LRRIQ3: variants seen among roughly 807,000 people sequenced by gnomAD.
LRRIQ3 encodes leucine-rich repeat and IQ domain-containing protein 3.
Under a neutral mutation model 59.3 loss-of-function variants are expected in LRRIQ3, and 75 were observed. That is an observed-to-expected ratio of 1.26 (90% CI 1.05 to 1.53). LRRIQ3 has a LOEUF of 1.53. Ranked by LOEUF, LRRIQ3 falls within the 40% of genes most tolerant of loss-of-function variation. LRRIQ3 has a pLI of 0.00. For missense variants in LRRIQ3, 831 were observed against 710.0 expected (o/e 1.17, Z -1.94); for synonymous variants, 250 against 231.3 (o/e 1.08, Z -0.73).
At chr1:74,160,841 C>A (rs1467311698) in intron 3 of LRRIQ3, among the ~76,000 whole-genome samples, 1 of 152,032 alleles carries the variant, frequency 6.6e-6, no homozygotes, top group East Asian at 1.9e-4. Flanking sequence ...TGGATCCTGT[C>A]ACTTGTTCTA....
At chr1:74,189,358 C>T (rs1000934948) in intron 1 of LRRIQ3, among the ~76,000 whole-genome samples, 4 of 152,062 alleles carry the variant, frequency 2.6e-5, no homozygotes, top group Non-Finnish European at 5.9e-5. Flanking sequence ...TTTTCAAGCA[C>T]CCTATAAACT....
At chr1:74,192,942 C>A (rs2100745660) in intron 1 of LRRIQ3, among the ~76,000 whole-genome samples, 1 of 152,168 alleles carries the variant, frequency 6.6e-6, no homozygotes, top group African/African-American at 2.4e-5. Context: ...TGTTGTACAT[C>A]TGAAAACTGG....
chr1:74,135,059 C>T (rs1570180044), intron 4 of LRRIQ3, among the ~76,000 whole-genome samples: 2 of 151,876 alleles, frequency 1.3e-5, no homozygotes, highest in Non-Finnish European at 2.9e-5. Flanking sequence ...TAAAATAATG[C>T]AAAAATACCA....
chr1:74,141,808 T>G (rs1387677400), intron 4 of LRRIQ3, among the ~76,000 whole-genome samples: 1 of 151,792 alleles, frequency 6.6e-6, no homozygotes, highest in Non-Finnish European at 1.5e-5. Flanking sequence ...CATGAAAAAT[T>G]TTCCTAGTCC....
chr1:74,040,865 C>T (rs1335062847), intron 7 of LRRIQ3, among the ~76,000 whole-genome samples: 2 of 152,164 alleles, frequency 1.3e-5, no homozygotes, highest in African/African-American at 4.8e-5. Flanking sequence ...GACACCCTAA[C>T]ATCAGAATTA....
chr1:74,101,487 G>A (rs1180689628), intron 5 of LRRIQ3, among the ~76,000 whole-genome samples: 1 of 152,128 alleles, frequency 6.6e-6, no homozygotes, highest in Admixed American at 6.5e-5. Context: ...CAAGCATTGT[G>A]GAAGACAGTG....
chr1:74,077,450 A>G (rs1295537490), intron 5 of LRRIQ3, among the ~76,000 whole-genome samples: 1 of 151,876 alleles, frequency 6.6e-6, no homozygotes, highest in Non-Finnish European at 1.5e-5. Flanking sequence ...GAAAAAAACA[A>G]GAACCCCCCC....
chr1:74,141,498 A>G (rs1647253949), intron 4 of LRRIQ3, among the ~76,000 whole-genome samples: 1 of 151,890 alleles, frequency 6.6e-6, no homozygotes. Flanking sequence ...ATGGACAGAT[A>G]TATTGTTTGA....
intron 4 of LRRIQ3, among the ~76,000 whole-genome samples, chr1:74,149,421 A>C (rs1647782462): frequency 6.6e-6 from 1 of 152,042 alleles, no homozygotes; most frequent in Non-Finnish European, 1.5e-5. Context: ...TCTTCACAGA[A>C]TTTTTTCATA....
In LRRIQ3 at chr1:74,198,111, A is replaced by G; in HGVS notation, c.-116T>C. On this transcript the variant is annotated 5_prime_UTR_variant, in exon 1 of 8. Coordinates refer to ENST00000354431, the MANE Select transcript of LRRIQ3 (RefSeq NM_001105659.2). ...CTGAGACCGTTGCTAGAGAAACAAGACAACATCCAAGTTCTCCACATCATG... is the reference window on the plus strand; with the variant it reads ...CTGAGACCGTTGCTAGAGAAACAAGGCAACATCCAAGTTCTCCACATCATG... 7.3e-7 allele frequency: 1 copy of G among 1,369,426 alleles called. No homozygotes were observed. The highest frequency in any genetic ancestry group is 9.6e-7 in the Non-Finnish European group (1 of 1,037,354). 84.8% of individuals were successfully genotyped at this position (1,369,426 alleles called of 1,614,324 possible). A position where few individuals can be genotyped will look rare whatever the true frequency, so the allele number is the denominator to read the frequency against.
chr1:74,117,969 A>G (rs1359671361), intron 4 of LRRIQ3, among the ~76,000 whole-genome samples: 1 of 152,132 alleles, frequency 6.6e-6, no homozygotes, highest in Non-Finnish European at 1.5e-5. Context: ...TAGAAACCAT[A>G]ATAATGTCCA....
intron 4 of LRRIQ3, among the ~76,000 whole-genome samples, chr1:74,121,535 T>C (rs1160420476): frequency 6.6e-6 from 1 of 152,140 alleles, no homozygotes; most frequent in African/African-American, 2.4e-5. Context: ...GTCATCTATA[T>C]AATTTTAATC....
intron 3 of LRRIQ3, among the ~76,000 whole-genome samples, chr1:74,177,132 G>T (rs7537841): frequency 1.3e-5 from 2 of 152,016 alleles, no homozygotes; most frequent in Non-Finnish European, 2.9e-5. Flanking sequence ...TGCACCCTTT[G>T]TCCCTTCTGT....
chr1:74,150,423 G>A (rs1647856526), intron 4 of LRRIQ3, among the ~76,000 whole-genome samples: 1 of 151,928 alleles, frequency 6.6e-6, no homozygotes, highest in Non-Finnish European at 1.5e-5. Flanking sequence ...ATTTACTAAA[G>A]CTTCAGGAAA....
chr1:74,185,503 T>G (rs559570769), intron 1 of LRRIQ3, among the ~76,000 whole-genome samples: 107 of 152,314 alleles, frequency 7.0e-4, no homozygotes, highest in African/African-American at 2.4e-3. Context: ...TGGTATTGTG[T>G]TATTGTTGAG....
At chr1:74,063,229 A>C (rs1654779299) in intron 6 of LRRIQ3, among the ~76,000 whole-genome samples, 1 of 151,838 alleles carries the variant, frequency 6.6e-6, no homozygotes, top group South Asian at 2.1e-4. Context: ...TATCATTTCT[A>C]ATGTAATCTC....
chr1:74,170,895 T>C (rs999910693), intron 3 of LRRIQ3, among the ~76,000 whole-genome samples: 29 of 152,186 alleles, frequency 1.9e-4, no homozygotes, highest in African/African-American at 4.1e-4. Flanking sequence ...CCTCCTTGGA[T>C]AGGTTTATTC....
chr1:74,099,217 A>G (rs1291019884), intron 5 of LRRIQ3, among the ~76,000 whole-genome samples: 1 of 152,182 alleles, frequency 6.6e-6, no homozygotes, highest in Non-Finnish European at 1.5e-5. Context: ...AAAATGATAA[A>G]GGGGATATCA....
At chr1:74,136,613 C>T (rs921781077) in intron 4 of LRRIQ3, among the ~76,000 whole-genome samples, 3 of 151,862 alleles carry the variant, frequency 2.0e-5, no homozygotes, top group Non-Finnish European at 4.4e-5. Flanking sequence ...GAATTATTCC[C>T]TAATGTGAGC....
Sources: allele counts gnomAD v4.1 joint callset (sites outside exome capture counted in the v4.1 genomes callset), GRCh38; gene constraint gnomAD v4.1.1; transcripts MANE v1.5; gene names NCBI Gene and HGNC (gene_info 2026-07-23, HGNC 2026-07-21).